Variants in SLC28A3 observed in about 807,000 individuals in gnomAD.
SLC28A3 encodes solute carrier family 28 member 3.
In SLC28A3, 68 loss-of-function variants were observed where a neutral mutation model predicts 84.2. The observed-to-expected ratio is 0.81, with a 90% CI of 0.66 to 0.99. The LOEUF is 0.99. Among genes scored for constraint, SLC28A3 ranks in the 50% least tolerant of loss-of-function variants. SLC28A3 has a pLI of 0.00. For synonymous variants in SLC28A3, 267 were observed against 303.6 expected (o/e 0.88, Z 1.25); for missense variants, 712 against 841.5 (o/e 0.85, Z 1.90).
At chr9:84,293,142 T>C (rs1825302808) in intron 9 of SLC28A3, among the ~76,000 whole-genome samples, 1 of 152,202 alleles carries the variant, frequency 6.6e-6, no homozygotes. Flanking sequence ...TCCTATGTAA[T>C]TATACTCATT....
chr9:84,285,136 C>G (rs1025221484), intron 14 of SLC28A3, among the ~76,000 whole-genome samples: 2 of 150,536 alleles, frequency 1.3e-5, no homozygotes, highest in Non-Finnish European at 2.9e-5. Flanking sequence ...GCTGTGTCTA[C>G]ACACACACGC....
the SLC28A3 span, among the ~76,000 whole-genome samples, chr9:84,367,582 G>T: frequency 6.6e-6 from 1 of 152,126 alleles, no homozygotes; most frequent in South Asian, 2.1e-4. Flanking sequence ...CAGCATGCGA[G>T]GACCTGCACC....
chr9:84,340,473 C>T (rs1025222236), intron 1 of SLC28A3, 101 bp downstream of exon 1: 1 of 1,252,670 alleles, frequency 8.0e-7, no homozygotes, highest in Non-Finnish European at 1.2e-6. Flanking sequence ...ATCGTATTGT[C>T]CTGATAATCT....
At chr9:84,339,488 G>C (rs1056519664) in intron 1 of SLC28A3, among the ~76,000 whole-genome samples, 6 of 152,112 alleles carry the variant, frequency 3.9e-5, no homozygotes, top group Non-Finnish European at 7.4e-5. Context: ...GACCTCAAAT[G>C]ATCAGCCCGC....
At chr9:84,279,172 CAAAAAAA>C (rs11309306) in intron 17 of SLC28A3, 86 bp downstream of exon 17, 4 of 945,802 alleles carry the variant, frequency 4.2e-6, no homozygotes, top group Non-Finnish European at 4.0e-6. Flanking sequence ...GACTCCGTCT[CAAAAAAA>C]AAAAAAAAAA....
At chr9:84,329,757 AGC>A (rs1166498814) in intron 1 of SLC28A3, among the ~76,000 whole-genome samples, 1 of 152,090 alleles carries the variant, frequency 6.6e-6, no homozygotes, top group African/African-American at 2.4e-5. Flanking sequence ...AATAAAGCTG[AGC>A]ACAGTGATGC....
At chr9:84,286,830 T>C (rs1367153439) in intron 12 of SLC28A3, among the ~76,000 whole-genome samples, 1 of 152,060 alleles carries the variant, frequency 6.6e-6, no homozygotes, top group Non-Finnish European at 1.5e-5. Context: ...CCCTCTAATC[T>C]CAGAGGTATC....
Position 84,294,273 on chromosome 9 carries a change from G to T in SLC28A3, c.864C>A (p.Val288=), listed in dbSNP as rs936102817. The T allele has an allele frequency of 6.2e-7, 1 of 1,613,948 alleles. No homozygotes were observed. Among genetic ancestry groups the T allele is most frequent in the African/African-American group, 1.3e-5 (1 of 74,908 alleles). ...TGCTGAAGAAAACCACGATCGGCAG[G>T]ACCTGTGGGGACAGAAACAAACATG... The part of the protein sequence containing the change: ...KYKDHFFAFK[V]LPIVVFFSTV... Residue 288 remains valine (V), a splice_region_variant and synonymous_variant, in exon 9 of 18, where the codon GTC becomes GTA. Coordinates refer to ENST00000376238, the MANE Select transcript of SLC28A3 (RefSeq NM_001199633.2).
At chr9:84,365,351 C>T in the SLC28A3 span, among the ~76,000 whole-genome samples, 1 of 152,012 alleles carries the variant, frequency 6.6e-6, no homozygotes, top group Non-Finnish European at 1.5e-5. Flanking sequence ...ATCTTTTTGC[C>T]TAGTTTTAAA....
At chr9:84,327,659 G>C (rs150546389) in intron 1 of SLC28A3, among the ~76,000 whole-genome samples, 108 of 152,162 alleles carry the variant, frequency 7.1e-4, no homozygotes, top group African/African-American at 2.6e-3. Flanking sequence ...GGGTGCGGTG[G>C]CTAATGCCTG....
intron 11 of SLC28A3, chr9:84,289,836 C>T (rs1410059070): frequency 2.9e-5 from 6 of 207,308 alleles, no homozygotes; most frequent in Admixed American, 1.6e-4. Flanking sequence ...GACTCCCAGT[C>T]CAGATCACCT....
At chr9:84,364,282 G>A in the SLC28A3 span, among the ~76,000 whole-genome samples, 9 of 151,932 alleles carry the variant, frequency 5.9e-5, no homozygotes, top group African/African-American at 1.9e-4. Context: ...CTTGATGCCC[G>A]GCTAATTTTT....
upstream of SLC28A3, among the ~76,000 whole-genome samples, chr9:84,342,183 G>A (rs2118653788): frequency 6.9e-6 from 1 of 145,278 alleles, no homozygotes; most frequent in Middle Eastern, 3.6e-3. Flanking sequence ...AAAATACCAA[G>A]TATTATGAGT....
At chr9:84,357,723 C>T in the SLC28A3 span, among the ~76,000 whole-genome samples, 1 of 152,140 alleles carries the variant, frequency 6.6e-6, no homozygotes, top group Non-Finnish European at 1.5e-5. Context: ...GTGACACCTA[C>T]TCTGTAAGGG....
Position 84,285,544 on chromosome 9 carries a change from T to C in SLC28A3, c.1450-2A>G, listed in dbSNP as rs772245073. The C allele has an allele frequency of 1.9e-6, 3 of 1,614,016 alleles. No homozygotes were observed. The Admixed American group carries it at 5.0e-5, about 27-fold the overall frequency. On this transcript the variant is annotated splice_acceptor_variant, in intron 13 of 17. Coordinates refer to ENST00000376238, the MANE Select transcript of SLC28A3 (RefSeq NM_001199633.2). LOFTEE classifies it high-confidence loss of function. ...CATGAAGATGTAGGAGCAGATTAGCTACAGAAACCAAAAGTAGACACTTGA... is the reference window on the plus strand; with the variant it reads ...CATGAAGATGTAGGAGCAGATTAGCCACAGAAACCAAAAGTAGACACTTGA...
chr9:84,361,811 G>A, the SLC28A3 span, among the ~76,000 whole-genome samples: 2 of 151,930 alleles, frequency 1.3e-5, no homozygotes, highest in African/African-American at 2.4e-5. Context: ...TACTCAGAAA[G>A]CTGAGGCGGA....
chr9:84,360,316 G>A, the SLC28A3 span, among the ~76,000 whole-genome samples: 205 of 152,116 alleles, frequency 1.3e-3, no homozygotes, highest in Admixed American at 2.1e-3. Context: ...ACGGGTTGTG[G>A]CAACATGGAA....
At chr9:84,285,295 T>C in intron 14 of SLC28A3, 50 bp downstream of exon 14, 1 of 1,559,374 alleles carries the variant, frequency 6.4e-7, no homozygotes, top group Non-Finnish European at 8.8e-7. Flanking sequence ...AATAGACGAA[T>C]GCAGGTATGT....
chr9:84,287,847 A>G (rs1187681555), intron 12 of SLC28A3, among the ~76,000 whole-genome samples: 6 of 152,110 alleles, frequency 3.9e-5, no homozygotes, highest in Admixed American at 2.0e-4. Context: ...GAGCAACTTT[A>G]AAAAAGTCTT....
Sources: gnomAD v4.1 joint callset for allele counts (sites outside exome capture counted in the v4.1 genomes callset) on GRCh38, gnomAD v4.1.1 for gene constraint, MANE v1.5 for transcripts, NCBI Gene and HGNC (gene_info 2026-07-23, HGNC 2026-07-21) for gene names.